Variants in PDLIM5 observed in about 807,000 individuals in gnomAD.
The protein encoded by PDLIM5 is PDZ and LIM domain protein 5.
A neutral mutation model predicts 64.2 loss-of-function variants in PDLIM5; 34 were observed. The observed-to-expected ratio is 0.53, with a 90% CI of 0.40 to 0.71. The LOEUF is 0.71. Ranked by LOEUF, PDLIM5 falls within the 30% of genes least tolerant of loss-of-function variation. The pLI, the probability that PDLIM5 is intolerant of heterozygous loss-of-function variation, is 0.00. For synonymous variants in PDLIM5, 253 were observed against 269.1 expected (o/e 0.94, Z 0.59); for missense variants, 683 against 733.6 (o/e 0.93, Z 0.80).
chr4:94,574,515 AC>A (rs1335116106), intron 4 of PDLIM5, among the ~76,000 whole-genome samples: 11 of 151,108 alleles, frequency 7.3e-5, no homozygotes, highest in East Asian at 3.9e-4. Flanking sequence ...AAAAAAAAAA[AC>A]AAGATGAATT....
Position 94,665,175 on chromosome 4 carries a change from C to A in PDLIM5, c.*1108C>A. On this transcript the variant is annotated 3_prime_UTR_variant, in exon 13 of 13. Coordinates refer to ENST00000317968, the MANE Select transcript of PDLIM5 (RefSeq NM_006457.5). ...AATAATTTTGGCCTCTCATAGTTTT[C>A]TCTCTCTTTAAAGAGAATAAATAGA... 1 of 946,496 alleles carries A rather than the reference C, an allele frequency of 1.1e-6. No individual in the cohort carries two copies. The highest frequency in any genetic ancestry group is 1.3e-6 in the Non-Finnish European group (1 of 794,162). 58.6% of individuals were successfully genotyped at this position (946,496 alleles called of 1,614,324 possible). A position where few individuals can be genotyped will look rare whatever the true frequency, so the allele number is the denominator to read the frequency against.
At chr4:94,537,046 ACTT>A (rs1731381159) in intron 3 of PDLIM5, among the ~76,000 whole-genome samples, 1 of 152,058 alleles carries the variant, frequency 6.6e-6, no homozygotes, top group African/African-American at 2.4e-5. Flanking sequence ...CTACCTAATA[ACTT>A]CTTTTTACCT....
intron 2 of PDLIM5, among the ~76,000 whole-genome samples, chr4:94,479,224 C>T (rs1026153756): frequency 3.3e-5 from 5 of 150,662 alleles, no homozygotes; most frequent in Admixed American, 3.3e-4. Context: ...TAAAACACAC[C>T]AAAACCACCA....
intron 2 of PDLIM5, among the ~76,000 whole-genome samples, chr4:94,465,025 G>A (rs1186871229): frequency 6.6e-6 from 1 of 152,034 alleles, no homozygotes; most frequent in African/African-American, 2.4e-5. Flanking sequence ...TAATTTCTCT[G>A]GTTGGTTTTC....
At chr4:94,529,587 A>G (rs1200377140) in intron 3 of PDLIM5, among the ~76,000 whole-genome samples, 1 of 152,170 alleles carries the variant, frequency 6.6e-6, no homozygotes, top group Non-Finnish European at 1.5e-5. Flanking sequence ...GTGGTTTTGT[A>G]ACTGTTATTT....
intron 2 of PDLIM5, among the ~76,000 whole-genome samples, chr4:94,479,282 T>A (rs1461492956): frequency 2.0e-5 from 3 of 151,358 alleles, no homozygotes; most frequent in African/African-American, 7.3e-5. Context: ...CTATTATTGG[T>A]TAGACAAAAT....
chr4:94,474,303 T>G (rs1725131878), intron 2 of PDLIM5, among the ~76,000 whole-genome samples: 1 of 152,184 alleles, frequency 6.6e-6, no homozygotes, highest in Non-Finnish European at 1.5e-5. Context: ...CAGGGTGGAG[T>G]GCAGTGGTGC....
intron 3 of PDLIM5, among the ~76,000 whole-genome samples, chr4:94,557,616 C>A: frequency 6.6e-6 from 1 of 152,064 alleles, no homozygotes; most frequent in East Asian, 1.9e-4. Context: ...TGAAGAGGTC[C>A]TTCACATTCC....
chr4:94,523,745 GC>G lies in PDLIM5; in HGVS notation c.121del (p.Gln41ArgfsTer4). 6.2e-7 allele frequency: 1 copy of G among 1,612,912 alleles called. No individual in the cohort carries two copies. The highest frequency in any genetic ancestry group is 8.5e-7 in the Non-Finnish European group (1 of 1,179,002). ...ACAGCTAAAAGATGGCGGCAAGGCAGCCCAGGCAAATGTAAGAATAGGCGAT... is the reference window on the plus strand; with the variant it reads ...ACAGCTAAAAGATGGCGGCAAGGCAGCCAGGCAAATGTAAGAATAGGCGAT... ...ISSLKDGGKA[A>X]QANVRIGDVV... is the part of the protein sequence containing the mutation. On this transcript the variant is annotated frameshift_variant, in exon 3 of 13. Transcript: ENST00000317968. LOFTEE classifies it high-confidence loss of function.
intron 5 of PDLIM5, chr4:94,584,897 AGTT>A: frequency 1.2e-6 from 1 of 814,948 alleles, no homozygotes; most frequent in Admixed American, 2.5e-5. Flanking sequence ...TTCATTTTCT[AGTT>A]GTTTTCTTTT....
At chr4:94,597,458 A>C (rs1355323454) in intron 7 of PDLIM5, among the ~76,000 whole-genome samples, 1 of 152,180 alleles carries the variant, frequency 6.6e-6, no homozygotes, top group African/African-American at 2.4e-5. Context: ...GATAACATCT[A>C]TTCAAGGGAT....
intron 7 of PDLIM5, among the ~76,000 whole-genome samples, chr4:94,602,484 G>A (rs72667644): frequency 0.025 from 3,817 of 152,004 alleles, 70 homozygotes; most frequent in Middle Eastern, 0.054. Flanking sequence ...ACGGAGTTTC[G>A]CTCTCTCATC....
chr4:94,460,325 A>G (rs1221557179), intron 2 of PDLIM5, among the ~76,000 whole-genome samples: 1 of 152,202 alleles, frequency 6.6e-6, no homozygotes, highest in Non-Finnish European at 1.5e-5. Flanking sequence ...TTAATTGAAA[A>G]TTAGTAGTTT....
chr4:94,603,786 T>TAGGCACC (rs1271731243), intron 7 of PDLIM5, among the ~76,000 whole-genome samples: 1 of 152,238 alleles, frequency 6.6e-6, no homozygotes, highest in Non-Finnish European at 1.5e-5. Context: ...GCTTCTCGGC[T>TAGGCACC]AGGCACCATG....
At position 94,495,462 on chromosome 4, in the gene PDLIM5, C is replaced by T. The variant is rs187634213; in HGVS notation, c.97-28262C>T. ...ACTGTCTATCAGATGTTGACCTTAA[C>T]AACATCTCCTGTTAGGTAGAATGAC... On this transcript the variant is annotated intron_variant, in intron 2 of 12. Transcript: ENST00000317968. Among the ~76,000 whole-genome samples, 620 of 151,506 alleles carry T rather than the reference C, an allele frequency of 4.1e-3. 4 individuals carry two copies. Among genetic ancestry groups the T allele is most frequent in the African/African-American group, 0.014 (586 of 41,178 alleles).
chr4:94,628,957 C>CT (rs750693592), intron 8 of PDLIM5, among the ~76,000 whole-genome samples: 2 of 151,146 alleles, frequency 1.3e-5, no homozygotes, highest in South Asian at 4.2e-4. Flanking sequence ...ATTTCTTTTC[C>CT]TTTTTTTAAG....
intron 4 of PDLIM5, 108 bp from the exon 5 acceptor site, chr4:94,575,508 C>T: frequency 1.3e-6 from 1 of 757,882 alleles, no homozygotes; most frequent in Non-Finnish European, 2.2e-6. Flanking sequence ...GAGCTGCTAA[C>T]CTGATTGTGT....
At chr4:94,618,556 A>G (rs2110397150) in intron 8 of PDLIM5, among the ~76,000 whole-genome samples, 1 of 152,344 alleles carries the variant, frequency 6.6e-6, no homozygotes. Context: ...ACAAATAACA[A>G]CCACAGAAAC....
intron 3 of PDLIM5, among the ~76,000 whole-genome samples, chr4:94,537,125 AT>A (rs1310082569): frequency 1.3e-5 from 2 of 151,960 alleles, no homozygotes; most frequent in African/African-American, 4.8e-5. Context: ...TCTTTCATTC[AT>A]TTTTTTTGTT....
Sources: allele counts gnomAD v4.1 joint callset (sites outside exome capture counted in the v4.1 genomes callset), GRCh38; gene constraint gnomAD v4.1.1; transcripts MANE v1.5; gene names NCBI Gene and HGNC (gene_info 2026-07-23, HGNC 2026-07-21).